Variants in KANK1 observed in about 807,000 individuals in gnomAD.
KANK1 encodes the protein KN motif and ankyrin repeat domains 1, also known as KN motif and ankyrin repeat domain-containing protein 1.
A neutral mutation model predicts 106.2 loss-of-function variants in KANK1; 109 were observed. The ratio of observed to expected loss-of-function variants is 1.03; its 90% CI spans 0.88 to 1.20. KANK1 has a LOEUF of 1.20. Among genes scored for constraint, KANK1 ranks in the 50% most tolerant of loss-of-function variants. The pLI is 0.00. For missense variants in KANK1, 2,399 were observed against 1,710.7 expected (o/e 1.40, Z -7.10); for synonymous variants, 873 against 652.2 (o/e 1.34, Z -5.16).
At chr9:653,470 C>A (rs905157112) in intron 1 of KANK1, among the ~76,000 whole-genome samples, 1 of 151,148 alleles carries the variant, frequency 6.6e-6, no homozygotes, top group Non-Finnish European at 1.5e-5. Context: ...TTGTTCAGAT[C>A]TGCATTCAGT....
At chr9:705,391 C>T (rs1014184901) in intron 2 of KANK1, among the ~76,000 whole-genome samples, 23 of 152,074 alleles carry the variant, frequency 1.5e-4, no homozygotes, top group African/African-American at 5.6e-4. Context: ...GAGGACGAGG[C>T]AGGAGAATCC....
intron 1 of KANK1, among the ~76,000 whole-genome samples, chr9:515,583 T>C (rs757936109): frequency 1.3e-5 from 2 of 151,824 alleles, no homozygotes; most frequent in Non-Finnish European, 2.9e-5. Flanking sequence ...CTGCTCATAC[T>C]GTATTACTCT....
chr9:727,128 G>A (rs576593567), intron 3 of KANK1, among the ~76,000 whole-genome samples: 1 of 152,218 alleles, frequency 6.6e-6, no homozygotes, highest in South Asian at 2.1e-4. Flanking sequence ...GTGCTTATAT[G>A]GTTGTTTCTT....
At chr9:715,590 C>G (rs748463763) in intron 3 of KANK1, among the ~76,000 whole-genome samples, 24 of 152,210 alleles carry the variant, frequency 1.6e-4, no homozygotes, top group Admixed American at 9.2e-4. Flanking sequence ...TGCCACACAT[C>G]ACTGGTTAGA....
intron 1 of KANK1, among the ~76,000 whole-genome samples, chr9:633,598 T>G (rs1195362905): frequency 6.6e-6 from 1 of 152,254 alleles, no homozygotes; most frequent in African/African-American, 2.4e-5. Flanking sequence ...ACCTGGCATA[T>G]GAGCTCTCAA....
intron 1 of KANK1, among the ~76,000 whole-genome samples, chr9:528,162 A>T (rs1161951436): frequency 2.6e-5 from 4 of 151,116 alleles, no homozygotes; most frequent in African/African-American, 9.7e-5. Context: ...AAAACTTTTT[A>T]GGATTTTTCT....
rs755379805 is a variant in KANK1 at position 730,046 on chromosome 9, G to C, written c.2699-5G>C. On this transcript the variant is annotated splice_polypyrimidine_tract_variant and splice_region_variant and intron_variant, in intron 3 of 11. Transcript: ENST00000382297. ...CACACTCTGTACCTTTCTTTTTCCT[G>C]ATAGGCAATTATTTGGGATATACCT... is the stretch of plus-strand genomic sequence containing the variant. 1.7e-5 allele frequency: 27 copies of C among 1,612,972 alleles called. No individual in the cohort carries two copies. The highest frequency in any genetic ancestry group is 2.1e-5 in the Non-Finnish European group (25 of 1,179,516).
At chr9:597,169 A>C (rs946871775) in intron 1 of KANK1, among the ~76,000 whole-genome samples, 2 of 151,846 alleles carry the variant, frequency 1.3e-5, no homozygotes, top group African/African-American at 4.9e-5. Flanking sequence ...ATTCTTATGA[A>C]TAAGGCTGCT....
At chr9:594,789 G>A (rs1331844569) in intron 1 of KANK1, among the ~76,000 whole-genome samples, 1 of 151,766 alleles carries the variant, frequency 6.6e-6, no homozygotes, top group African/African-American at 2.4e-5. Context: ...TAAATGAGGA[G>A]AAGGCTTTTA....
intron 1 of KANK1, among the ~76,000 whole-genome samples, chr9:543,058 G>T (rs1165076392): frequency 2.0e-5 from 3 of 152,140 alleles, no homozygotes; most frequent in African/African-American, 4.8e-5. Context: ...TGCGAGGTGG[G>T]TATGTTAATT....
intron 1 of KANK1, among the ~76,000 whole-genome samples, chr9:558,067 T>C (rs572452721): frequency 1.3e-5 from 2 of 152,084 alleles, no homozygotes; most frequent in Admixed American, 6.6e-5. Flanking sequence ...GGAGTGAAGA[T>C]CGGATTAGTC....
At chr9:622,929 G>A (rs933809329) in intron 1 of KANK1, among the ~76,000 whole-genome samples, 1 of 151,928 alleles carries the variant, frequency 6.6e-6, no homozygotes, top group African/African-American at 2.4e-5. Context: ...AGACTTAATG[G>A]TAAGGCCTGA....
In KANK1 at chr9:525,350, CGT is replaced by C. The variant is rs35296364; in HGVS notation, c.-84+20629_-84+20630del. 7.0e-3 allele frequency among the ~76,000 whole-genome samples: 977 copies of C among 140,298 alleles called. 10 individuals are homozygous for C. The highest frequency in any genetic ancestry group is 0.011 in the Middle Eastern group (3 of 282). The allele number at this position is 140,298 out of a possible 152,430, so 92.0% of individuals were successfully genotyped here. A position where few individuals can be genotyped will look rare whatever the true frequency, so the allele number is the denominator to read the frequency against. On this transcript the variant is annotated intron_variant, in intron 1 of 11. Coordinates refer to ENST00000382297, the MANE Select transcript of KANK1 (RefSeq NM_015158.5). ...ATTTCTGACAGAATATGTATACATACGTGTGTGTGTGTGTGTGTGTGTGTGTG... is the reference window on the plus strand; with the variant it reads ...ATTTCTGACAGAATATGTATACATACGTGTGTGTGTGTGTGTGTGTGTGTG...
At chr9:585,534 C>T (rs1244388182) in intron 1 of KANK1, among the ~76,000 whole-genome samples, 5 of 152,026 alleles carry the variant, frequency 3.3e-5, no homozygotes, top group Non-Finnish European at 7.4e-5. Flanking sequence ...TTGACAGAAC[C>T]GATCCAAAAA....
intron 1 of KANK1, among the ~76,000 whole-genome samples, chr9:567,274 T>G (rs1340848556): frequency 6.6e-6 from 1 of 152,216 alleles, no homozygotes; most frequent in East Asian, 1.9e-4. Context: ...AGTTGGGTAG[T>G]GTAATGCCTC....
intron 1 of KANK1, among the ~76,000 whole-genome samples, chr9:505,718 C>G (rs1353546252): frequency 1.3e-5 from 2 of 152,240 alleles, no homozygotes; most frequent in Non-Finnish European, 2.9e-5. Flanking sequence ...CACGTGGCCT[C>G]TGCGGAGGGT....
chr9:497,229 AAAG>A (rs2058470234), intron 3 of KANK1, among the ~76,000 whole-genome samples: 2 of 152,212 alleles, frequency 1.3e-5, no homozygotes, highest in Non-Finnish European at 2.9e-5. Context: ...AAAAAAAGGA[AAAG>A]AAGACTCCTT....
Position 726,660 on chromosome 9 carries a change from G to C in KANK1, c.2699-3391G>C, listed in dbSNP as rs575189292. Among the ~76,000 whole-genome samples, 187 of 151,868 alleles carry C rather than the reference G, an allele frequency of 1.2e-3. 1 individual carries two copies. Among genetic ancestry groups the C allele is most frequent in the African/African-American group, 4.4e-3 (181 of 41,414 alleles). ...CTCGAAAGAAGAAAACTTGAACGGA[G>C]ACAAAAATTAAAAATAAGGCCAGGC... On this transcript the variant is annotated intron_variant, in intron 3 of 11. Coordinates refer to ENST00000382297, the MANE Select transcript of KANK1 (RefSeq NM_015158.5).
intron 1 of KANK1, among the ~76,000 whole-genome samples, chr9:559,692 GA>G (rs1815872818): frequency 6.6e-6 from 1 of 152,198 alleles, no homozygotes; most frequent in Non-Finnish European, 1.5e-5. Context: ...TTTCAGAAAT[GA>G]AAAACATGTA....
Sources: allele counts gnomAD v4.1 joint callset (sites outside exome capture counted in the v4.1 genomes callset), GRCh38; gene constraint gnomAD v4.1.1; transcripts MANE v1.5; gene names NCBI Gene and HGNC (gene_info 2026-07-23, HGNC 2026-07-21).